ZMIZ1: variants seen among roughly 807,000 people sequenced by gnomAD.
ZMIZ1 encodes the protein zinc finger MIZ-type containing 1.
Under a neutral mutation model 113.9 loss-of-function variants are expected in ZMIZ1, and 17 were observed. The observed-to-expected ratio is 0.15, with a 90% CI of 0.10 to 0.22. ZMIZ1 has a LOEUF of 0.22. ZMIZ1 is among the 10% of genes least tolerant of loss of function. The pLI, the probability that ZMIZ1 is intolerant of heterozygous loss-of-function variation, is 1.00. For synonymous variants in ZMIZ1, 607 were observed against 603.1 expected, an observed-to-expected ratio of 1.01 and a Z score of -0.09; for missense variants, 1,059 against 1,477.8, an observed-to-expected ratio of 0.72 and a Z score of 4.65.
In ZMIZ1 at chr10:79,201,670, A is replaced by T; in HGVS notation, c.38A>T (p.Asp13Val). 1 of 1,613,426 alleles carries T rather than the reference A, an allele frequency of 6.2e-7. No individual in the cohort carries two copies. The highest frequency in any genetic ancestry group is 8.5e-7 in the Non-Finnish European group (1 of 1,179,842). The change falls in exon 5 of 25, where the codon GAC becomes GTC. Residue 13 changes from aspartate to valine, a missense_variant. By Grantham distance (152) the Asp-to-Val change is radical. Around this residue, in one of 6 missense-constraint regions of ZMIZ1, gnomAD observed 272 missense variants for 350.4 expected, o/e 0.78. Coordinates refer to ENST00000334512, the MANE Select transcript of ZMIZ1 (RefSeq NM_020338.4). ...SMDRHIQQTN[D>V]RLQCIKQHLQ... is the part of the protein sequence containing the mutation. ...GACAGGCACATCCAGCAGACCAATGACCGACTGCAGTGCATCAAGCAGGTG... is the reference window on the plus strand; with the variant it reads ...GACAGGCACATCCAGCAGACCAATGTCCGACTGCAGTGCATCAAGCAGGTG...
At chr10:79,277,429 G>C in intron 8 of ZMIZ1, 104 bp downstream of exon 8, 2 of 1,380,946 alleles carry the variant, frequency 1.4e-6, no homozygotes, top group Non-Finnish European at 1.9e-6. Flanking sequence ...GCAACCATGA[G>C]GATGTTGCAT....
chr10:79,103,042 C>G (rs555208597), intron 1 of ZMIZ1, among the ~76,000 whole-genome samples: 1 of 152,154 alleles, frequency 6.6e-6, no homozygotes, highest in East Asian at 1.9e-4. Flanking sequence ...GTAGTAATGT[C>G]GAGCGATGTG....
At chr10:79,153,788 G>A (rs1407801582) in intron 3 of ZMIZ1, among the ~76,000 whole-genome samples, 1 of 152,254 alleles carries the variant, frequency 6.6e-6, no homozygotes, top group East Asian at 1.9e-4. Context: ...GGTGAGGTTA[G>A]AGCCTGTGCC....
Position 79,312,771 on chromosome 10 carries a change from C to A in ZMIZ1, c.*22C>A, listed in dbSNP as rs1855281844. The A allele has an allele frequency of 7.5e-6, 12 of 1,606,432 alleles. No homozygotes were observed. Among genetic ancestry groups the A allele is most frequent in the Non-Finnish European group, 1.0e-5 (12 of 1,172,966 alleles). On this transcript the variant is annotated 3_prime_UTR_variant, in exon 25 of 25. Coordinates refer to ENST00000334512, the MANE Select transcript of ZMIZ1 (RefSeq NM_020338.4). ...CTGAGGGCCACCCGGTCGGGGCCAT[C>A]CCTCCACACTCTGCATCCTACCCCA...
At chr10:79,098,783 G>T (rs959917386) in intron 1 of ZMIZ1, among the ~76,000 whole-genome samples, 4 of 152,228 alleles carry the variant, frequency 2.6e-5, no homozygotes, top group African/African-American at 9.6e-5. Context: ...GGAGGAGGTG[G>T]CATGCGGCTG....
At chr10:79,089,442 C>G (rs1231749693) in intron 1 of ZMIZ1, among the ~76,000 whole-genome samples, 1 of 152,212 alleles carries the variant, frequency 6.6e-6, no homozygotes, top group Non-Finnish European at 1.5e-5. Context: ...CCGGTTTGCT[C>G]TAGTTTGGTT....
chr10:79,230,110 C>A (rs922624624), intron 7 of ZMIZ1, among the ~76,000 whole-genome samples: 1 of 152,108 alleles, frequency 6.6e-6, no homozygotes, highest in Non-Finnish European at 1.5e-5. Flanking sequence ...AGGCTCCGGC[C>A]GAGCAAAACA....
At chr10:79,202,258 G>C (rs1197282520) in intron 5 of ZMIZ1, among the ~76,000 whole-genome samples, 1 of 132,630 alleles carries the variant, frequency 7.5e-6, no homozygotes, top group East Asian at 2.2e-4. Flanking sequence ...AGAAAGAAAA[G>C]AAATTAAAGC....
At chr10:79,099,038 A>G (rs1364694307) in intron 1 of ZMIZ1, among the ~76,000 whole-genome samples, 3 of 152,162 alleles carry the variant, frequency 2.0e-5, no homozygotes, top group African/African-American at 7.2e-5. Context: ...AGTGAGTCAG[A>G]ATTTCAATGT....
chr10:79,088,856 C>G (rs1842906857), intron 1 of ZMIZ1, among the ~76,000 whole-genome samples: 1 of 152,162 alleles, frequency 6.6e-6, no homozygotes, highest in Non-Finnish European at 1.5e-5. Context: ...AACATCCTTC[C>G]TGCACCAGGC....
chr10:79,195,389 G>T (rs992343572), intron 4 of ZMIZ1, among the ~76,000 whole-genome samples: 5 of 152,214 alleles, frequency 3.3e-5, no homozygotes, highest in Non-Finnish European at 5.9e-5. Context: ...CGGGATGGGG[G>T]TAGCCTGCTT....
At chr10:79,312,590 G>GA in intron 24 of ZMIZ1, 52 bp from the exon 25 acceptor site, 1 of 1,599,314 alleles carries the variant, frequency 6.3e-7, no homozygotes, top group Non-Finnish European at 8.6e-7. Flanking sequence ...CTCACCCGGG[G>GA]CCTGCCTCTC....
chr10:79,273,839 A>T (rs1429034802), intron 7 of ZMIZ1, among the ~76,000 whole-genome samples: 1 of 152,254 alleles, frequency 6.6e-6, no homozygotes, highest in Non-Finnish European at 1.5e-5. Context: ...AATGGCATTC[A>T]TTGACAGCTG....
chr10:79,209,273 G>A (rs770464053), intron 6 of ZMIZ1, among the ~76,000 whole-genome samples: 15 of 152,306 alleles, frequency 9.8e-5, no homozygotes, highest in South Asian at 4.1e-4. Flanking sequence ...CCACACACCC[G>A]ATGGAACCCA....
chr10:79,177,638 T>C (rs1255215808), intron 4 of ZMIZ1, among the ~76,000 whole-genome samples: 1 of 152,250 alleles, frequency 6.6e-6, no homozygotes, highest in Non-Finnish European at 1.5e-5. Flanking sequence ...GAGGAGGCTC[T>C]TGTGTGTGGC....
intron 7 of ZMIZ1, among the ~76,000 whole-genome samples, chr10:79,227,015 C>A (rs771145279): frequency 4.6e-5 from 7 of 152,206 alleles, no homozygotes; most frequent in Non-Finnish European, 8.8e-5. Flanking sequence ...CTCATATCTA[C>A]CCCATTTTAC....
At chr10:79,284,422 G>A (rs956274419) in intron 8 of ZMIZ1, among the ~76,000 whole-genome samples, 2 of 152,146 alleles carry the variant, frequency 1.3e-5, no homozygotes, top group Non-Finnish European at 2.9e-5. Context: ...AAGTCTCAGA[G>A]GCTTGAGAAG....
intron 7 of ZMIZ1, among the ~76,000 whole-genome samples, chr10:79,275,081 C>T (rs1589541270): frequency 6.6e-6 from 1 of 152,388 alleles, no homozygotes; most frequent in Middle Eastern, 3.4e-3. Flanking sequence ...TTTCCAGATG[C>T]CCAGTGCCCC....
chr10:79,099,741 G>A (rs1252175272), intron 1 of ZMIZ1, among the ~76,000 whole-genome samples: 2 of 152,200 alleles, frequency 1.3e-5, no homozygotes, highest in Non-Finnish European at 2.9e-5. Flanking sequence ...TAAACCCCCT[G>A]TGACTTGGGC....
Sources: allele counts gnomAD v4.1 joint callset (sites outside exome capture counted in the v4.1 genomes callset), GRCh38; gene constraint gnomAD v4.1.1; regional missense constraint gnomAD v4.1.1; transcripts MANE v1.5; gene names NCBI Gene and HGNC (gene_info 2026-07-23, HGNC 2026-07-21).